The following PTPRC variants were observed in gnomAD, a reference collection of about 807,000 sequenced individuals.
PTPRC encodes the protein protein tyrosine phosphatase receptor type C, also known as receptor-type tyrosine-protein phosphatase C.
PTPRC carries 44 observed loss-of-function variants against 155.9 expected under a neutral mutation model. The observed-to-expected ratio is 0.28, with a 90% CI of 0.22 to 0.36. The LOEUF is 0.36. Among genes scored for constraint, PTPRC ranks in the 10% least tolerant of loss-of-function variants. The probability of loss-of-function intolerance (pLI) is 1.00; values close to 1 mark genes in which losing one functional copy is unlikely to be tolerated. For synonymous variants in PTPRC, 525 were observed against 533.1 expected, an observed-to-expected ratio of 0.98 and a Z score of 0.21; for missense variants, 1,401 against 1,564.6, an observed-to-expected ratio of 0.90 and a Z score of 1.76.
rs192413007 is a variant in PTPRC at position 198,671,227 on chromosome 1, C to T, written c.74-21120C>T. Among the ~76,000 whole-genome samples, 30 of 152,210 alleles carry T rather than the reference C, an allele frequency of 2.0e-4. No homozygotes were observed. The East Asian group carries it at 5.2e-3, about 26-fold the overall frequency. ...GCACACCACAAAAACAACTTCCATGCATACACCAGTATCACCCCCCTCACC... is the reference window on the plus strand; with the variant it reads ...GCACACCACAAAAACAACTTCCATGTATACACCAGTATCACCCCCCTCACC... On this transcript the variant is annotated intron_variant, in intron 2 of 32. Coordinates refer to ENST00000442510, the MANE Select transcript of PTPRC (RefSeq NM_002838.5).
Position 198,757,195 on chromosome 1 carries a change from G to T in PTPRC, c.*1014G>T, listed in dbSNP as rs917865911. On this transcript the variant is annotated 3_prime_UTR_variant, in exon 33 of 33. Coordinates refer to ENST00000442510, the MANE Select transcript of PTPRC (RefSeq NM_002838.5). ...TAACTTTCATTAAAGCATTTACTTTGAATTTCTCCAATGCTTAGAATGTTT... is the reference window on the plus strand; with the variant it reads ...TAACTTTCATTAAAGCATTTACTTTTAATTTCTCCAATGCTTAGAATGTTT... The T allele has an allele frequency of 2.0e-5, 3 of 151,528 alleles. No homozygotes were observed. The highest frequency in any genetic ancestry group is 4.4e-5 in the Non-Finnish European group (3 of 67,754). The allele number at this position is 151,528 out of a possible 1,614,324, so 9.4% of individuals were successfully genotyped here.
At chr1:198,697,905 A>T (rs1666282318) in intron 4 of PTPRC, among the ~76,000 whole-genome samples, 1 of 152,228 alleles carries the variant, frequency 6.6e-6, no homozygotes, top group Non-Finnish European at 1.5e-5. Flanking sequence ...TACAGCAAGT[A>T]CAAGACTGTG....
chr1:198,671,189 G>T (rs186332815), intron 2 of PTPRC, among the ~76,000 whole-genome samples: 6 of 151,556 alleles, frequency 4.0e-5, no homozygotes, highest in Non-Finnish European at 8.8e-5. Context: ...CTGCTTTCTT[G>T]CTTGTTCTCC....
intron 2 of PTPRC, among the ~76,000 whole-genome samples, chr1:198,651,497 T>A (rs1370074437): frequency 6.6e-6 from 1 of 151,786 alleles, no homozygotes; most frequent in East Asian, 1.9e-4. Context: ...TATATCTCTG[T>A]GTGTAATTTT....
chr1:198,672,150 A>G (rs1030353490), intron 2 of PTPRC, among the ~76,000 whole-genome samples: 4 of 152,222 alleles, frequency 2.6e-5, no homozygotes, highest in African/African-American at 9.6e-5. Flanking sequence ...AATTAAGACC[A>G]ATGAAATGTG....
intron 32 of PTPRC, among the ~76,000 whole-genome samples, chr1:198,754,875 A>G (rs749965982): frequency 6.6e-6 from 1 of 152,000 alleles, no homozygotes; most frequent in Non-Finnish European, 1.5e-5. Flanking sequence ...TGTGTGCCCT[A>G]CAGTTTGGCT....
intron 2 of PTPRC, among the ~76,000 whole-genome samples, chr1:198,652,736 A>G (rs1663323054): frequency 6.6e-6 from 1 of 151,752 alleles, no homozygotes; most frequent in Non-Finnish European, 1.5e-5. Flanking sequence ...CCAGAGGCTC[A>G]AGGAATAAGA....
At chr1:198,709,050 C>G (rs1203367611) in intron 10 of PTPRC, among the ~76,000 whole-genome samples, 2 of 152,200 alleles carry the variant, frequency 1.3e-5, no homozygotes, top group African/African-American at 4.8e-5. Flanking sequence ...GCAATCATGA[C>G]AGACCAATGA....
chr1:198,736,110 G>A (rs1325198840), intron 23 of PTPRC, among the ~76,000 whole-genome samples: 1 of 151,342 alleles, frequency 6.6e-6, no homozygotes, highest in African/African-American at 2.4e-5. Context: ...TTTGATTGAG[G>A]CATACAATGC....
At chr1:198,695,067 A>G in intron 3 of PTPRC, 1 of 921,352 alleles carries the variant, frequency 1.1e-6, no homozygotes, top group Non-Finnish European at 1.3e-6. Flanking sequence ...TAGTTCTGCA[A>G]TATTTCATGT....
chr1:198,745,734 G>A (rs1055617766), intron 26 of PTPRC, among the ~76,000 whole-genome samples: 1 of 151,772 alleles, frequency 6.6e-6, no homozygotes, highest in African/African-American at 2.4e-5. Context: ...TCTAGGTTTT[G>A]AAAAGTGACT....
chr1:198,728,562 C>G (rs1654248962), intron 16 of PTPRC, 114 bp downstream of exon 16: 1 of 1,263,908 alleles, frequency 7.9e-7, no homozygotes, highest in Non-Finnish European at 1.1e-6. Flanking sequence ...AGAGAGAAGA[C>G]AGCATACAGC....
At chr1:198,734,505 G>A in intron 22 of PTPRC, 80 bp downstream of exon 22, 2 of 1,153,736 alleles carry the variant, frequency 1.7e-6, no homozygotes, top group Non-Finnish European at 2.6e-6. Context: ...AAAGCCACAT[G>A]TATCTGCCTG....
chr1:198,702,933 A>G (rs1255537905), intron 6 of PTPRC, among the ~76,000 whole-genome samples: 4 of 152,216 alleles, frequency 2.6e-5, no homozygotes, highest in Non-Finnish European at 5.9e-5. Context: ...GTGATGTCTG[A>G]ATATGTAAAA....
chr1:198,719,573 TTTTTGTTTTG>T lies in PTPRC; in HGVS notation c.1659+1290_1659+1299del, dbSNP rs375373370. 3.9e-3 allele frequency among the ~76,000 whole-genome samples: 593 copies of T among 152,210 alleles called. 6 individuals carry two copies. Among genetic ancestry groups the T allele is most frequent in the African/African-American group, 0.012 (514 of 41,544 alleles). On this transcript the variant is annotated intron_variant, in intron 14 of 32. Transcript: ENST00000442510. The stretch of plus-strand genomic sequence containing the variant: ...TGTTGACAAACGGCCTCATATTCTT[TTTTTGTTTTG>T]TTTTGTTTTGTTTTGTTTGTTTGTT...
chr1:198,731,866 C>T lies in PTPRC; in HGVS notation c.1974+140C>T. ...AGCAAAGTAGATATTATTAGCAGAT[C>T]TCTATGAACCAGAAGAGAGACTCAT... On this transcript the variant is annotated intron_variant, in intron 18 of 32. Coordinates refer to ENST00000442510, the MANE Select transcript of PTPRC (RefSeq NM_002838.5). 4 of 722,846 alleles carry T rather than the reference C, an allele frequency of 5.5e-6. No individual in the cohort carries two copies. In the South Asian group the frequency reaches 6.0e-5, roughly 11 times the overall value. The allele number at this position is 722,846 out of a possible 1,614,324, so 44.8% of individuals were successfully genotyped here. A position where few individuals can be genotyped will look rare whatever the true frequency, so the allele number is the denominator to read the frequency against.
At chr1:198,700,410 G>A (rs182056156) in intron 5 of PTPRC, among the ~76,000 whole-genome samples, 1 of 152,128 alleles carries the variant, frequency 6.6e-6, no homozygotes, top group Non-Finnish European at 1.5e-5. Flanking sequence ...CTATGTAGCT[G>A]GTAGGAACAT....
At chr1:198,680,443 ACT>A (rs1665251358) in intron 2 of PTPRC, among the ~76,000 whole-genome samples, 1 of 144,426 alleles carries the variant, frequency 6.9e-6, no homozygotes, top group Non-Finnish European at 1.5e-5. Flanking sequence ...ACAGAGCAAA[ACT>A]CTCTCAGAAA....
At chr1:198,732,454 T>G (rs1654438602) in intron 19 of PTPRC, 26 bp from the exon 20 acceptor site, 1 of 1,604,470 alleles carries the variant, frequency 6.2e-7, no homozygotes, top group African/African-American at 1.3e-5. Flanking sequence ...CTATTTCACT[T>G]GTTTATTTTT....
Sources: gnomAD v4.1 joint callset for allele counts (sites outside exome capture counted in the v4.1 genomes callset) on GRCh38, gnomAD v4.1.1 for gene constraint, MANE v1.5 for transcripts, NCBI Gene and HGNC (gene_info 2026-07-23, HGNC 2026-07-21) for gene names.